Variants in ADCY8 observed in about 807,000 individuals in gnomAD.
The protein encoded by ADCY8 is adenylate cyclase 8.
Under a neutral mutation model 119.7 loss-of-function variants are expected in ADCY8, and 51 were observed. The observed-to-expected ratio is 0.43, with a 90% CI of 0.34 to 0.54. The LOEUF (loss-of-function observed/expected upper bound fraction) is 0.54. ADCY8 is among the 20% of genes least tolerant of loss of function. The pLI is 0.03. For synonymous variants in ADCY8, 665 were observed against 651.0 expected, an observed-to-expected ratio of 1.02 and a Z score of -0.33; for missense variants, 1,383 against 1,598.8, an observed-to-expected ratio of 0.87 and a Z score of 2.30.
chr8:130,972,841 G>GTT lies in ADCY8; in HGVS notation c.1110+17550_1110+17551dup, dbSNP rs34465511. 6.5e-3 allele frequency among the ~76,000 whole-genome samples: 977 copies of GTT among 150,500 alleles called. 35 individuals carry two copies. In the East Asian group the frequency reaches 0.12, roughly 19 times the overall value. ...GCTGAGTGACCTTCCTTCAGCATCA[G>GTT]TTTTTTTTTCCCCCAAACCATCTGG... On this transcript the variant is annotated intron_variant, in intron 2 of 17. Transcript: ENST00000286355.
intron 5 of ADCY8, among the ~76,000 whole-genome samples, chr8:130,934,078 T>C (rs1399445142): frequency 1.3e-5 from 2 of 152,202 alleles, no homozygotes; most frequent in Non-Finnish European, 2.9e-5. Context: ...TCCTGACACA[T>C]AGTGGAGCTC....
intron 8 of ADCY8, among the ~76,000 whole-genome samples, chr8:130,872,120 T>A (rs1162892615): frequency 1.3e-5 from 2 of 152,166 alleles, no homozygotes; most frequent in African/African-American, 4.8e-5. Flanking sequence ...AGATTAGGAT[T>A]TGGAATATTA....
At chr8:130,783,598 A>C in intron 17 of ADCY8, 93 bp downstream of exon 17, 1 of 864,694 alleles carries the variant, frequency 1.2e-6, no homozygotes, top group South Asian at 1.7e-5. Context: ...TTTGCAGGAA[A>C]AAGCTTTCCT....
chr8:130,810,867 T>C (rs1266315833), intron 14 of ADCY8, among the ~76,000 whole-genome samples: 1 of 152,196 alleles, frequency 6.6e-6, no homozygotes, highest in Non-Finnish European at 1.5e-5. Context: ...TTGGTTTCCT[T>C]CCTTTCAGGA....
At chr8:131,025,633 G>A (rs1823800038) in intron 1 of ADCY8, among the ~76,000 whole-genome samples, 1 of 152,194 alleles carries the variant, frequency 6.6e-6, no homozygotes, top group Non-Finnish European at 1.5e-5. Flanking sequence ...CTGCTAACAT[G>A]AATTCTTCCT....
intron 14 of ADCY8, among the ~76,000 whole-genome samples, chr8:130,805,174 C>T (rs1815907120): frequency 6.6e-6 from 1 of 152,154 alleles, no homozygotes; most frequent in African/African-American, 2.4e-5. Flanking sequence ...AAGCACAATG[C>T]AAAAGATTGC....
intron 15 of ADCY8, among the ~76,000 whole-genome samples, chr8:130,788,092 A>G (rs1389407865): frequency 6.6e-6 from 1 of 152,242 alleles, no homozygotes; most frequent in Non-Finnish European, 1.5e-5. Context: ...CTCACATACA[A>G]TATTTCCCTT....
At chr8:130,975,361 G>A (rs994595297) in intron 2 of ADCY8, among the ~76,000 whole-genome samples, 1 of 152,164 alleles carries the variant, frequency 6.6e-6, no homozygotes, top group African/African-American at 2.4e-5. Context: ...ATAAACAGTA[G>A]TCATGCTGAC....
intron 1 of ADCY8, among the ~76,000 whole-genome samples, chr8:131,025,495 C>T (rs1275756286): frequency 6.6e-6 from 1 of 152,176 alleles, no homozygotes; most frequent in Non-Finnish European, 1.5e-5. Flanking sequence ...CAACAAGCTT[C>T]TGATATGAGA....
intron 9 of ADCY8, among the ~76,000 whole-genome samples, chr8:130,861,206 C>A (rs1000772747): frequency 9.2e-5 from 14 of 152,142 alleles, no homozygotes; most frequent in Admixed American, 1.3e-4. Context: ...TTTCATACAA[C>A]CTTTAGCATT....
chr8:130,937,699 A>T (rs1030684566), intron 4 of ADCY8, among the ~76,000 whole-genome samples: 1 of 152,262 alleles, frequency 6.6e-6, no homozygotes, highest in Non-Finnish European at 1.5e-5. Flanking sequence ...TTTGCACTTT[A>T]TGAGGAGGAA....
intron 5 of ADCY8, among the ~76,000 whole-genome samples, chr8:130,923,539 A>G (rs1035032601): frequency 6.6e-6 from 1 of 152,218 alleles, no homozygotes; most frequent in Non-Finnish European, 1.5e-5. Context: ...GAAAAGACCA[A>G]GCTCTGCAAT....
At chr8:130,919,755 C>A (rs1172615216) in intron 5 of ADCY8, among the ~76,000 whole-genome samples, 1 of 152,144 alleles carries the variant, frequency 6.6e-6, no homozygotes, top group East Asian at 1.9e-4. Context: ...GAGACCACTG[C>A]AATTCACTTC....
chr8:130,970,451 G>A (rs1481839798), intron 2 of ADCY8, among the ~76,000 whole-genome samples: 1 of 152,194 alleles, frequency 6.6e-6, no homozygotes, highest in East Asian at 1.9e-4. Context: ...GGACTGTCTA[G>A]TTGCAGGGAA....
At chr8:130,925,439 A>G (rs961878653) in intron 5 of ADCY8, among the ~76,000 whole-genome samples, 2 of 152,212 alleles carry the variant, frequency 1.3e-5, no homozygotes, top group Admixed American at 1.3e-4. Context: ...TTGGGATCTT[A>G]TTATCCTCAT....
At chr8:130,838,107 G>A (rs1004569176) in intron 11 of ADCY8, among the ~76,000 whole-genome samples, 2 of 152,212 alleles carry the variant, frequency 1.3e-5, no homozygotes, top group African/African-American at 4.8e-5. Flanking sequence ...AATTACTGAA[G>A]ATTGTTTACA....
intron 8 of ADCY8, among the ~76,000 whole-genome samples, chr8:130,870,724 A>C (rs1818324248): frequency 6.6e-6 from 1 of 152,210 alleles, no homozygotes; most frequent in Admixed American, 6.5e-5. Context: ...ATGACTTAAA[A>C]AATGTGACAT....
chr8:130,796,724 C>G (rs1012904985), intron 15 of ADCY8, among the ~76,000 whole-genome samples: 1 of 150,972 alleles, frequency 6.6e-6, no homozygotes, highest in Non-Finnish European at 1.5e-5. Flanking sequence ...TGACTATATT[C>G]TCCCCTACCT....
At chr8:130,845,976 C>T (rs1441547394) in intron 11 of ADCY8, among the ~76,000 whole-genome samples, 1 of 152,106 alleles carries the variant, frequency 6.6e-6, no homozygotes, top group Non-Finnish European at 1.5e-5. Context: ...AAGACGGAGA[C>T]AGTAATAGCC....
Sources: allele counts gnomAD v4.1 joint callset (sites outside exome capture counted in the v4.1 genomes callset), GRCh38; gene constraint gnomAD v4.1.1; transcripts MANE v1.5; gene names NCBI Gene and HGNC (gene_info 2026-07-23, HGNC 2026-07-21).